Variants in LRP1B observed in about 807,000 individuals in gnomAD.
LRP1B encodes LDL receptor related protein 1B.
A neutral mutation model predicts 556.6 loss-of-function variants in LRP1B; 217 were observed. That is an observed-to-expected ratio of 0.39 (90% confidence interval 0.35 to 0.44). The LOEUF is 0.44. LRP1B is among the 20% of genes least tolerant of loss of function. LRP1B has a pLI of 1.00. For missense variants in LRP1B, 5,053 were observed against 5,620.8 expected (o/e 0.90, Z 3.23); for synonymous variants, 2,047 against 1,865.8 (o/e 1.10, Z -2.50).
At chr2:140,824,317 G>T (rs1328254869) in intron 31 of LRP1B, among the ~76,000 whole-genome samples, 1 of 151,924 alleles carries the variant, frequency 6.6e-6, no homozygotes, top group Non-Finnish European at 1.5e-5. Flanking sequence ...GGCCTTTTGG[G>T]ATAGATCAAA....
chr2:141,869,422 GA>G (rs1358849029), intron 1 of LRP1B, among the ~76,000 whole-genome samples: 1 of 151,884 alleles, frequency 6.6e-6, no homozygotes, highest in African/African-American at 2.4e-5. Flanking sequence ...AAAGTTCAAA[GA>G]AAAACTACAT....
At chr2:140,358,679 A>T in intron 73 of LRP1B, 142 bp downstream of exon 73, 1 of 843,830 alleles carries the variant, frequency 1.2e-6, no homozygotes, top group Non-Finnish European at 1.8e-6. Context: ...GAATATTTTT[A>T]TACCTTGTCA....
At chr2:140,522,704 C>A (rs1286558565) in intron 49 of LRP1B, among the ~76,000 whole-genome samples, 1 of 151,330 alleles carries the variant, frequency 6.6e-6, no homozygotes, top group Non-Finnish European at 1.5e-5. Flanking sequence ...AAGTCTAAAA[C>A]AAGCACAATC....
chr2:142,070,423 G>A (rs1238261270), intron 1 of LRP1B, among the ~76,000 whole-genome samples: 1 of 151,788 alleles, frequency 6.6e-6, no homozygotes, highest in East Asian at 1.9e-4. Flanking sequence ...TCCAGTAAAT[G>A]GCAAACTTGG....
At chr2:140,293,362 G>T (rs573675912) in intron 84 of LRP1B, among the ~76,000 whole-genome samples, 2 of 152,064 alleles carry the variant, frequency 1.3e-5, no homozygotes, top group African/African-American at 4.8e-5. Context: ...GAGAAGTGCC[G>T]CTATATTTGT....
intron 11 of LRP1B, among the ~76,000 whole-genome samples, chr2:141,048,284 T>C (rs965608884): frequency 5.3e-5 from 8 of 152,204 alleles, no homozygotes; most frequent in African/African-American, 1.9e-4. Context: ...AGTGAAGATC[T>C]GGTTTGATTT....
chr2:141,661,698 C>T (rs967574510), intron 2 of LRP1B, among the ~76,000 whole-genome samples: 35 of 152,254 alleles, frequency 2.3e-4, no homozygotes, highest in African/African-American at 7.7e-4. Context: ...ACAGAGCCTA[C>T]AGTTGACTGG....
chr2:141,285,446 T>A (rs1361874119), intron 3 of LRP1B, among the ~76,000 whole-genome samples: 3 of 126,520 alleles, frequency 2.4e-5, no homozygotes, highest in Admixed American at 1.5e-4. Flanking sequence ...GTGAGAATAA[T>A]TTTTTTTTCT....
chr2:141,741,754 T>C (rs1027496617), intron 2 of LRP1B, among the ~76,000 whole-genome samples: 3 of 152,168 alleles, frequency 2.0e-5, no homozygotes, highest in Non-Finnish European at 2.9e-5. Context: ...CCTCTTCACT[T>C]TGTTAATTAT....
intron 73 of LRP1B, 41 bp from the exon 74 acceptor site, chr2:140,358,157 C>G: frequency 1.9e-6 from 3 of 1,582,544 alleles, no homozygotes; most frequent in Non-Finnish European, 2.6e-6. Flanking sequence ...TTCACAGAAT[C>G]AAAACACTCT....
intron 11 of LRP1B, among the ~76,000 whole-genome samples, chr2:141,023,593 A>G (rs992688840): frequency 1.1e-4 from 16 of 151,982 alleles, no homozygotes; most frequent in African/African-American, 3.9e-4. Context: ...GATATTATAC[A>G]TTCATGGAAC....
At chr2:141,110,390 G>C (rs1700720147) in intron 7 of LRP1B, among the ~76,000 whole-genome samples, 1 of 152,078 alleles carries the variant, frequency 6.6e-6, no homozygotes, top group South Asian at 2.1e-4. Flanking sequence ...TTTAGGTTTA[G>C]TACCTAGGAG....
chr2:141,940,034 A>G (rs1425847363), intron 1 of LRP1B, among the ~76,000 whole-genome samples: 1 of 137,838 alleles, frequency 7.3e-6, no homozygotes, highest in Non-Finnish European at 1.6e-5. Flanking sequence ...CAGTATAAGG[A>G]TTTATGAAAC....
chr2:140,876,710 T>A (rs1047724362), intron 25 of LRP1B, among the ~76,000 whole-genome samples: 13 of 152,154 alleles, frequency 8.5e-5, no homozygotes, highest in African/African-American at 3.1e-4. Context: ...ATAGTACAAA[T>A]CCATGGCTGG....
intron 43 of LRP1B, among the ~76,000 whole-genome samples, chr2:140,542,426 TG>T (rs1255041183): frequency 6.6e-6 from 1 of 152,008 alleles, no homozygotes; most frequent in Non-Finnish European, 1.5e-5. Context: ...ACCGCATGAG[TG>T]ACTAAACTAG....
rs192307128 is a variant in LRP1B at position 141,076,898 on chromosome 2, G to A, written c.1014-14625C>T. Among the ~76,000 whole-genome samples, 25 of 152,254 alleles carry A rather than the reference G, an allele frequency of 1.6e-4. No individual in the cohort carries two copies. The East Asian group carries it at 4.6e-3, about 28-fold the overall frequency. ...CTGCATATTGTTAATTGATTGATAG[G>A]TGGATGCAATGTCTGGTAACAAGCT... is the stretch of plus-strand genomic sequence containing the variant. On this transcript the variant is annotated intron_variant, in intron 7 of 90. Transcript: ENST00000389484.
At position 140,232,960 on chromosome 2, in the gene LRP1B, G is replaced by T; in HGVS notation, c.*226C>A. ...GGTGTGTCATATCAGCAGCATTGTT[G>T]TAAATTGTACTGTAGTGCAGTTCTT... On this transcript the variant is annotated 3_prime_UTR_variant, in exon 91 of 91. Coordinates refer to ENST00000389484, the MANE Select transcript of LRP1B (RefSeq NM_018557.3). The T allele has an allele frequency of 2.9e-6, 1 of 339,610 alleles. No homozygotes were observed. The highest frequency in any genetic ancestry group is 5.3e-6 in the Non-Finnish European group (1 of 189,110). 21.0% of individuals were successfully genotyped at this position (339,610 alleles called of 1,614,324 possible). A position where few individuals can be genotyped will look rare whatever the true frequency, so the allele number is the denominator to read the frequency against.
At chr2:141,200,081 C>T (rs1404806807) in intron 6 of LRP1B, among the ~76,000 whole-genome samples, 1 of 152,102 alleles carries the variant, frequency 6.6e-6, no homozygotes, top group Non-Finnish European at 1.5e-5. Flanking sequence ...TGGGCATATA[C>T]CCAGAAGAAT....
rs1389989568 is a variant in LRP1B, at chr2:141,673,200, C to T, written c.205+137079G>A. ...TTCCCTATAAACAGAGTCTCTTCCA[C>T]AATCCTGAAAGCAGTTGTCCTACTG... On this transcript the variant is annotated intron_variant, in intron 2 of 90. Coordinates refer to ENST00000389484, the MANE Select transcript of LRP1B (RefSeq NM_018557.3). Among the ~76,000 whole-genome samples the T allele has an allele frequency of 2.6e-5, 4 of 152,164 alleles. No individual in the cohort carries two copies. In the East Asian group the frequency reaches 7.7e-4, roughly 29 times the overall value.
Sources: allele counts gnomAD v4.1 joint callset (sites outside exome capture counted in the v4.1 genomes callset), GRCh38; gene constraint gnomAD v4.1.1; transcripts MANE v1.5; gene names NCBI Gene and HGNC (gene_info 2026-07-23, HGNC 2026-07-21).